Variants in DHTKD1 observed in about 807,000 individuals in gnomAD.
DHTKD1 encodes the protein dehydrogenase E1 and transketolase domain containing 1.
A neutral mutation model predicts 101.8 loss-of-function variants in DHTKD1; 78 were observed. That is an observed-to-expected ratio of 0.77 (90% confidence interval 0.64 to 0.93). DHTKD1 has a LOEUF of 0.93. Ranked by LOEUF, DHTKD1 falls within the 40% of genes least tolerant of loss-of-function variation. The pLI is 0.00. For missense variants in DHTKD1, 1,223 were observed against 1,161.7 expected (o/e 1.05, Z -0.77); for synonymous variants, 462 against 450.3 (o/e 1.03, Z -0.33).
chr10:12,093,888 C>T (rs1395097749), intron 6 of DHTKD1, among the ~76,000 whole-genome samples, 185 bp from the exon 7 acceptor site: 1 of 152,132 alleles, frequency 6.6e-6, no homozygotes, highest in South Asian at 2.1e-4. Context: ...GTAGCTTTAC[C>T]GAGGTCACAC....
At chr10:12,082,185 A>G (rs1349003709) in intron 2 of DHTKD1, among the ~76,000 whole-genome samples, 2 of 152,134 alleles carry the variant, frequency 1.3e-5, no homozygotes, top group Non-Finnish European at 2.9e-5. Flanking sequence ...AGCATATGTC[A>G]ATTTATTCTC....
At chr10:12,112,163 A>C (rs1224911593) in intron 12 of DHTKD1, among the ~76,000 whole-genome samples, 1 of 151,878 alleles carries the variant, frequency 6.6e-6, no homozygotes, top group Non-Finnish European at 1.5e-5. Flanking sequence ...AAAATATTAA[A>C]ATTAGTCAGG....
intron 5 of DHTKD1, 91 bp downstream of exon 5, chr10:12,089,346 C>G (rs1309584851): frequency 4.2e-6 from 5 of 1,203,252 alleles, no homozygotes; most frequent in South Asian, 1.4e-5. Flanking sequence ...GGCAGACATT[C>G]ATGATGAAAC....
rs573608254 is a variant in DHTKD1 at position 12,104,131 on chromosome 10, C to G, written c.1897-2115C>G. Among the ~76,000 whole-genome samples, 10 of 152,286 alleles carry G rather than the reference C, an allele frequency of 6.6e-5. No individual in the cohort carries two copies. In the South Asian group the frequency reaches 1.9e-3, roughly 28 times the overall value. ...GGCCTTTTGGGACTGGCTTCTTTGA[C>G]TTGGCATCATGCTTTCAAGGTCCAT... On this transcript the variant is annotated intron_variant, in intron 10 of 16. Coordinates refer to ENST00000263035, the MANE Select transcript of DHTKD1 (RefSeq NM_018706.7).
At chr10:12,079,578 G>A (rs186437201) in intron 1 of DHTKD1, among the ~76,000 whole-genome samples, 161 of 152,188 alleles carry the variant, frequency 1.1e-3, no homozygotes, top group African/African-American at 3.8e-3. Context: ...TGAGGCAGGG[G>A]AATCACTTGA....
intron 1 of DHTKD1, among the ~76,000 whole-genome samples, chr10:12,080,684 C>G (rs1832802216): frequency 6.7e-6 from 1 of 149,344 alleles, no homozygotes; most frequent in Admixed American, 6.8e-5. Flanking sequence ...GCACTCCAGC[C>G]TGGGTGACAT....
intron 11 of DHTKD1, among the ~76,000 whole-genome samples, chr10:12,106,669 C>A (rs1005009751): frequency 3.3e-5 from 5 of 152,126 alleles, no homozygotes; most frequent in Admixed American, 3.3e-4. Context: ...AAAACCCGCT[C>A]CAGTGTCTGA....
At position 12,087,702 on chromosome 10, in the gene DHTKD1, G is replaced by A. The variant is rs762863930; in HGVS notation, c.690G>A (p.Leu230=). ...CCCATAGAGGGAGGCTGAATTTATT[G>A]ACAGGCCTTCTGCAGTTCCCTCCAG... ...GMPHRGRLNL[L]TGLLQFPPEL... is the part of the protein sequence containing the mutation. Residue 230 remains leucine, a synonymous_variant, in exon 4 of 17, where the codon TTG becomes TTA. Coordinates refer to ENST00000263035, the MANE Select transcript of DHTKD1 (RefSeq NM_018706.7). This position sits in a 1 kb window ranked among gnomAD's most constrained non-coding sequence, Gnocchi z 5.2. The A allele has an allele frequency of 6.2e-7, 1 of 1,608,580 alleles. No individual in the cohort carries two copies. The highest frequency in any genetic ancestry group is 1.1e-5 in the South Asian group (1 of 90,208).
chr10:12,100,344 C>G, intron 9 of DHTKD1, 82 bp downstream of exon 9: 1 of 570,312 alleles, frequency 1.8e-6, no homozygotes, highest in Middle Eastern at 6.3e-4. Context: ...GTGGTGCGAT[C>G]TCAGCTCACT....
At chr10:12,072,895 C>T (rs1832672253) in intron 1 of DHTKD1, among the ~76,000 whole-genome samples, 1 of 151,868 alleles carries the variant, frequency 6.6e-6, no homozygotes, top group Admixed American at 6.6e-5. Flanking sequence ...TACCACCACA[C>T]CTGGCTAATT....
chr10:12,075,688 A>G (rs1305768960), intron 1 of DHTKD1, among the ~76,000 whole-genome samples: 2 of 152,168 alleles, frequency 1.3e-5, no homozygotes, highest in African/African-American at 4.8e-5. Context: ...GAAGTATTTT[A>G]TGAATAATTC....
At chr10:12,120,610 A>G (rs1336384822) in intron 16 of DHTKD1, among the ~76,000 whole-genome samples, 177 bp from the exon 17 acceptor site, 2 of 152,100 alleles carry the variant, frequency 1.3e-5, no homozygotes, top group Admixed American at 6.6e-5. Flanking sequence ...CGCTGGGATT[A>G]CAGGCATTGA....
chr10:12,076,776 A>G (rs1012996580), intron 1 of DHTKD1, among the ~76,000 whole-genome samples: 2 of 151,606 alleles, frequency 1.3e-5, no homozygotes, highest in African/African-American at 4.8e-5. Context: ...CTCCTACCTC[A>G]GCCTCCCGAG....
In DHTKD1 at chr10:12,069,467, C is replaced by T. The variant is rs192874583; in HGVS notation, c.154+280C>T. On this transcript the variant is annotated intron_variant, in intron 1 of 16. Transcript: ENST00000263035. ...CCTGGTTTCGGAAGGGCTTTTCTTT[C>T]CTTTGTTGGAAACGTGTGAGAAACT... 4.3e-3 allele frequency among the ~76,000 whole-genome samples: 647 copies of T among 151,354 alleles called. 4 individuals carry two copies. Among genetic ancestry groups the T allele is most frequent in the African/African-American group, 0.015 (619 of 41,268 alleles).
intron 1 of DHTKD1, among the ~76,000 whole-genome samples, chr10:12,077,387 C>G (rs1286591609): frequency 6.6e-6 from 1 of 152,070 alleles, no homozygotes; most frequent in African/African-American, 2.4e-5. Flanking sequence ...GCCACCAGGC[C>G]TGGCTAATTT....
intron 1 of DHTKD1, among the ~76,000 whole-genome samples, chr10:12,075,054 T>C (rs1832704905): frequency 6.6e-6 from 1 of 152,104 alleles, no homozygotes; most frequent in African/African-American, 2.4e-5. Context: ...GACATTGCAG[T>C]GAGCCGAGAT....
At chr10:12,096,306 G>C (rs996171915) in intron 7 of DHTKD1, among the ~76,000 whole-genome samples, 6 of 152,174 alleles carry the variant, frequency 3.9e-5, no homozygotes, top group African/African-American at 1.4e-4. Flanking sequence ...AAAGAGGACT[G>C]CTCTCAGAAG....
At position 12,107,282 on chromosome 10, in the gene DHTKD1, G is replaced by A. The variant is rs371447270; in HGVS notation, c.2048-627G>A. Among the ~76,000 whole-genome samples, 13 of 149,502 alleles carry A rather than the reference G, an allele frequency of 8.7e-5. No homozygotes were observed. The highest frequency in any genetic ancestry group is 2.7e-4 in the Admixed American group (4 of 15,016). On this transcript the variant is annotated intron_variant, in intron 11 of 16. Transcript: ENST00000263035. The surrounding 1 kb of genome is among the most constrained non-coding windows in gnomAD (Gnocchi z 4.1). Reference sequence around the variant, plus strand: ...ATTACGGGTGTGAGCCACTGTGCCCGGCCGGGAGCTGCCCATTCTTGTAAG... The same window carrying A: ...ATTACGGGTGTGAGCCACTGTGCCCAGCCGGGAGCTGCCCATTCTTGTAAG...
At chr10:12,113,905 G>A (rs893121080) in intron 13 of DHTKD1, among the ~76,000 whole-genome samples, 3 of 152,106 alleles carry the variant, frequency 2.0e-5, no homozygotes, top group African/African-American at 4.8e-5. Context: ...GGGCAACACA[G>A]CAAGACATTG....
Sources: gnomAD v4.1 joint callset for allele counts (sites outside exome capture counted in the v4.1 genomes callset) on GRCh38, gnomAD v4.1.1 for gene constraint, Gnocchi (gnomAD v3.1) non-coding constraint, MANE v1.5 for transcripts, NCBI Gene and HGNC (gene_info 2026-07-23, HGNC 2026-07-21) for gene names.